The following KIRREL3 variants were observed in gnomAD, a reference collection of about 807,000 sequenced individuals.
KIRREL3 encodes kin of IRRE-like protein 3.
Under a neutral mutation model 89.7 loss-of-function variants are expected in KIRREL3, and 36 were observed. That is an observed-to-expected ratio of 0.40 (90% CI 0.31 to 0.53). KIRREL3 has a LOEUF of 0.53. KIRREL3 is among the 20% of genes least tolerant of loss of function. The pLI is 0.49. For synonymous variants in KIRREL3, 445 were observed against 441.4 expected, an observed-to-expected ratio of 1.01 and a Z score of -0.10; for missense variants, 864 against 1,056.6, an observed-to-expected ratio of 0.82 and a Z score of 2.53.
Position 127,000,359 on chromosome 11 carries a change from G to A in KIRREL3, c.55+96C>T. On this transcript the variant is annotated intron_variant, in intron 1 of 16. Transcript: ENST00000525144. The surrounding 1 kb of genome is among the most constrained non-coding windows in gnomAD (Gnocchi z 7.1). ...CACCGAGAGACGCATCCATCAGTCC[G>A]AGTTCCCGAAGCCTGCCCACGTTCC... 1.0e-6 allele frequency: 1 copy of A among 979,758 alleles called. No individual in the cohort carries two copies. The highest frequency in any genetic ancestry group is 1.5e-6 in the Non-Finnish European group (1 of 658,774). The allele number at this position is 979,758 out of a possible 1,614,324, so 60.7% of individuals were successfully genotyped here.
At chr11:127,002,054 A>G (rs1203675857), upstream of KIRREL3, among the ~76,000 whole-genome samples, 2 of 152,176 alleles carry the variant, frequency 1.3e-5, no homozygotes, top group Non-Finnish European at 2.9e-5. Context: ...GTAGTAGCAC[A>G]TCTTTTGAGG....
At position 126,931,646 on chromosome 11, in the gene KIRREL3, G is replaced by T. The variant is rs1947954216; in HGVS notation, c.55+68809C>A. On this transcript the variant is annotated intron_variant, in intron 1 of 16. Transcript: ENST00000525144. This position sits in a 1 kb window ranked among gnomAD's most constrained non-coding sequence, Gnocchi z 5.1. ...AGAATGAGGATTCCAAGTCCTAGTT[G>T]TCTAAATAATTTAAATATGGAATAG... Among the ~76,000 whole-genome samples the T allele has an allele frequency of 6.6e-6, 1 of 152,170 alleles. No homozygotes were observed. Among genetic ancestry groups the T allele is most frequent in the African/African-American group, 2.4e-5 (1 of 41,430 alleles).
At chr11:126,820,044 T>G (rs1455214858) in intron 1 of KIRREL3, among the ~76,000 whole-genome samples, 1 of 152,206 alleles carries the variant, frequency 6.6e-6, no homozygotes, top group Non-Finnish European at 1.5e-5. Flanking sequence ...CTCTCATTCA[T>G]TCATGTAAGA....
chr11:126,603,056 C>T (rs1415484147), intron 1 of KIRREL3, among the ~76,000 whole-genome samples: 2 of 152,126 alleles, frequency 1.3e-5, no homozygotes, highest in Non-Finnish European at 2.9e-5. Flanking sequence ...TCCAAGTTCA[C>T]CCACCGTCAC....
At chr11:126,731,972 A>T (rs1032911070) in intron 1 of KIRREL3, among the ~76,000 whole-genome samples, 43 of 152,242 alleles carry the variant, frequency 2.8e-4, no homozygotes, top group African/African-American at 1.0e-3. Context: ...AGCAGCAAAG[A>T]GAGAGAGAAG....
rs1617302 is a variant in KIRREL3, at chr11:126,531,223, G to C, written c.134-4536C>G. ...CCTTTCCTCTCTATTCCCACTGCTA[G>C]CACCCAAGTTCAAGCTCTCGTTGCC... On this transcript the variant is annotated intron_variant, in intron 2 of 16. Transcript: ENST00000525144. This position sits in a 1 kb window ranked among gnomAD's most constrained non-coding sequence, Gnocchi z 4.7. Among the ~76,000 whole-genome samples the C allele has an allele frequency of 0.67, 101,517 of 152,062 alleles. 34,488 individuals carry two copies. The highest frequency in any genetic ancestry group is 0.91 in the East Asian group (4,706 of 5,176).
chr11:126,727,997 C>T (rs1002136617), intron 1 of KIRREL3, among the ~76,000 whole-genome samples: 3 of 152,066 alleles, frequency 2.0e-5, no homozygotes, highest in African/African-American at 7.2e-5. Flanking sequence ...CGCAGCCCCA[C>T]ACCCAGCAGC....
chr11:126,524,689 C>CG (rs1031652152), intron 3 of KIRREL3, among the ~76,000 whole-genome samples: 8 of 152,114 alleles, frequency 5.3e-5, no homozygotes, highest in Admixed American at 1.3e-4. Context: ...CTGGGAGATT[C>CG]GGGGGGGCCA....
intron 1 of KIRREL3, among the ~76,000 whole-genome samples, chr11:126,944,650 C>T (rs1269187199): frequency 6.6e-6 from 1 of 152,106 alleles, no homozygotes; most frequent in East Asian, 1.9e-4. Flanking sequence ...GGCAAGGAAG[C>T]CCAAGTGAGG....
chr11:126,566,927 T>C lies in KIRREL3; in HGVS notation c.56-4015A>G, dbSNP rs1351374298. Reference sequence around the variant, plus strand: ...CTGAGGCTCAGAAGTAAAGTGACAATTTAAGGCCAACACACTAGCTGGTGA... The same window carrying C: ...CTGAGGCTCAGAAGTAAAGTGACAACTTAAGGCCAACACACTAGCTGGTGA... On this transcript the variant is annotated intron_variant, in intron 1 of 16. Coordinates refer to ENST00000525144, the MANE Select transcript of KIRREL3 (RefSeq NM_032531.4). The surrounding 1 kb of genome is among the most constrained non-coding windows in gnomAD (Gnocchi z 4.9). Among the ~76,000 whole-genome samples, 3 of 152,168 alleles carry C rather than the reference T, an allele frequency of 2.0e-5. No individual in the cohort carries two copies. Among genetic ancestry groups the C allele is most frequent in the Non-Finnish European group, 4.4e-5 (3 of 68,026 alleles).
chr11:126,713,880 G>A (rs1947855228), intron 1 of KIRREL3, among the ~76,000 whole-genome samples: 1 of 152,140 alleles, frequency 6.6e-6, no homozygotes, highest in Non-Finnish European at 1.5e-5. Flanking sequence ...GGGTTGCAGG[G>A]GGAGCACAGT....
chr11:126,686,074 G>A lies in KIRREL3; in HGVS notation c.56-123162C>T, dbSNP rs1946653728. On this transcript the variant is annotated intron_variant, in intron 1 of 16. Transcript: ENST00000525144. The surrounding 1 kb of genome is among the most constrained non-coding windows in gnomAD (Gnocchi z 4.7). ...GCTCTGTGGGCACTGTTCCTGAGGT[G>A]TGAGCAAACCCTGCCTCAGATGGCC... Among the ~76,000 whole-genome samples, 1 of 152,208 alleles carries A rather than the reference G, an allele frequency of 6.6e-6. No homozygotes were observed. The highest frequency in any genetic ancestry group is 2.4e-5 in the African/African-American group (1 of 41,448).
Position 126,890,500 on chromosome 11 carries a change from G to A in KIRREL3, c.55+109955C>T, listed in dbSNP as rs894981441. 6.6e-6 allele frequency among the ~76,000 whole-genome samples: 1 copy of A among 152,206 alleles called. No individual in the cohort carries two copies. Among genetic ancestry groups the A allele is most frequent in the African/African-American group, 2.4e-5 (1 of 41,460 alleles). On this transcript the variant is annotated intron_variant, in intron 1 of 16. Coordinates refer to ENST00000525144, the MANE Select transcript of KIRREL3 (RefSeq NM_032531.4). This position sits in a 1 kb window ranked among gnomAD's most constrained non-coding sequence, Gnocchi z 5.1. The stretch of plus-strand genomic sequence containing the variant: ...CAATCTGCTGCTCAATTTTCAACAG[G>A]ATCTCATCAAGCACTTTGCCATTTA...
chr11:126,694,807 ATG>A lies in KIRREL3; in HGVS notation c.56-131897_56-131896del, dbSNP rs954592533. On this transcript the variant is annotated intron_variant, in intron 1 of 16. Coordinates refer to ENST00000525144, the MANE Select transcript of KIRREL3 (RefSeq NM_032531.4). The surrounding 1 kb of genome is among the most constrained non-coding windows in gnomAD (Gnocchi z 4.4). ...TCAGTATCAGGTAGATGCTCACTAA[ATG>A]TAAAACTCCCTTATAAGGGTGGCTG... 6.6e-6 allele frequency among the ~76,000 whole-genome samples: 1 copy of A among 152,216 alleles called. No individual in the cohort carries two copies. Among genetic ancestry groups the A allele is most frequent in the African/African-American group, 2.4e-5 (1 of 41,460 alleles).
In KIRREL3 at chr11:126,719,308, G is replaced by T. The variant is rs1264777257; in HGVS notation, c.56-156396C>A. Among the ~76,000 whole-genome samples, 1 of 152,110 alleles carries T rather than the reference G, an allele frequency of 6.6e-6. No individual in the cohort carries two copies. Among genetic ancestry groups the T allele is most frequent in the Non-Finnish European group, 1.5e-5 (1 of 68,034 alleles). ...AAATGGCCAGCTCTTCTGTTTGAAC[G>T]CCTTCTTCTCTTAGCCTCTGGGAGA... On this transcript the variant is annotated intron_variant, in intron 1 of 16. Coordinates refer to ENST00000525144, the MANE Select transcript of KIRREL3 (RefSeq NM_032531.4). This position sits in a 1 kb window ranked among gnomAD's most constrained non-coding sequence, Gnocchi z 4.7.
In KIRREL3 at chr11:126,905,657, A is replaced by T. The variant is rs1400873563; in HGVS notation, c.55+94798T>A. Among the ~76,000 whole-genome samples the T allele has an allele frequency of 1.3e-5, 2 of 152,032 alleles. No individual in the cohort carries two copies. The highest frequency in any genetic ancestry group is 2.4e-5 in the African/African-American group (1 of 41,396). The stretch of plus-strand genomic sequence containing the variant: ...TGTGTGATTCGGTGTGCTAAATGGC[A>T]TGTCTCCATTCTCCAATCTGTCTGG... On this transcript the variant is annotated intron_variant, in intron 1 of 16. Coordinates refer to ENST00000525144, the MANE Select transcript of KIRREL3 (RefSeq NM_032531.4). This position sits in a 1 kb window ranked among gnomAD's most constrained non-coding sequence, Gnocchi z 5.0.
At chr11:126,637,594 A>T (rs1312255488) in intron 1 of KIRREL3, among the ~76,000 whole-genome samples, 1 of 152,214 alleles carries the variant, frequency 6.6e-6, no homozygotes, top group Non-Finnish European at 1.5e-5. Flanking sequence ...AAAATGACTC[A>T]TCTAAATCCT....
At chr11:126,952,364 G>A (rs961006227) in intron 1 of KIRREL3, among the ~76,000 whole-genome samples, 4 of 152,044 alleles carry the variant, frequency 2.6e-5, no homozygotes, top group Non-Finnish European at 4.4e-5. Flanking sequence ...CAGACTGGGC[G>A]AAAGAGCAAG....
In KIRREL3 at chr11:126,513,025, T is replaced by C. The variant is rs1958276134; in HGVS notation, c.433+8290A>G. On this transcript the variant is annotated intron_variant, in intron 4 of 16. Coordinates refer to ENST00000525144, the MANE Select transcript of KIRREL3 (RefSeq NM_032531.4). This position sits in a 1 kb window ranked among gnomAD's most constrained non-coding sequence, Gnocchi z 5.9. ...CGTCCCAGCTCCCCAGTGAGGGCCG[T>C]TTGTCCTGCTTGGGTCTGGAGAGTT... 6.6e-6 allele frequency among the ~76,000 whole-genome samples: 1 copy of C among 152,024 alleles called. No individual in the cohort carries two copies. The highest frequency in any genetic ancestry group is 1.5e-5 in the Non-Finnish European group (1 of 68,000).
Sources: gnomAD v4.1 joint callset for allele counts (sites outside exome capture counted in the v4.1 genomes callset) on GRCh38, gnomAD v4.1.1 for gene constraint, Gnocchi (gnomAD v3.1) non-coding constraint, MANE v1.5 for transcripts, NCBI Gene and HGNC (gene_info 2026-07-23, HGNC 2026-07-21) for gene names.